Variants in DYRK1A observed in about 807,000 individuals in gnomAD.
DYRK1A encodes the protein dual specificity tyrosine phosphorylation regulated kinase 1A.
DYRK1A carries 9 observed loss-of-function variants against 79.7 expected under a neutral mutation model. The observed-to-expected ratio is 0.11, with a 90% CI of 0.07 to 0.20. The LOEUF (loss-of-function observed/expected upper bound fraction) is 0.20. Ranked by LOEUF, DYRK1A falls within the 10% of genes least tolerant of loss-of-function variation. The pLI is 1.00. For missense variants in DYRK1A, 622 were observed against 956.0 expected (o/e 0.65, Z 4.61); for synonymous variants, 349 against 329.7 (o/e 1.06, Z -0.63).
intron 2 of DYRK1A, among the ~76,000 whole-genome samples, chr21:37,443,636 G>T (rs903249572): frequency 6.6e-6 from 1 of 152,218 alleles, no homozygotes; most frequent in African/African-American, 2.4e-5. Context: ...AATGGGAGCA[G>T]TGTAGTCCTG....
intron 2 of DYRK1A, among the ~76,000 whole-genome samples, chr21:37,459,750 T>C (rs1298648464): frequency 6.6e-6 from 1 of 152,184 alleles, no homozygotes; most frequent in Non-Finnish European, 1.5e-5. Context: ...TTGTTTCTTG[T>C]GTTGTTATAT....
At position 37,451,686 on chromosome 21, in the gene DYRK1A, G is replaced by T. The variant is rs191596189; in HGVS notation, c.11-20998G>T. The stretch of plus-strand genomic sequence containing the variant: ...GCGTGGGCGTGCAGTAGGCTCCACT[G>T]TCTAGCGTGGGCGTGCAGTGTATAC... On this transcript the variant is annotated intron_variant, in intron 2 of 11. Coordinates refer to ENST00000647188, the MANE Select transcript of DYRK1A (RefSeq NM_001347721.2). 6.6e-5 allele frequency among the ~76,000 whole-genome samples: 10 copies of T among 152,086 alleles called. No homozygotes were observed. In the East Asian group the frequency reaches 1.9e-3, roughly 30 times the overall value.
rs1034044002 is a variant in DYRK1A at position 37,380,192 on chromosome 21, G to A, written c.-77+12564G>A. Reference sequence around the variant, plus strand: ...GACTCTAGCCCTTAAGACAAATACTGTCTGTTGAAAAATTTATTCTGATTT... The same window carrying A: ...GACTCTAGCCCTTAAGACAAATACTATCTGTTGAAAAATTTATTCTGATTT... On this transcript the variant is annotated intron_variant, in intron 1 of 11. Transcript: ENST00000647188. Among the ~76,000 whole-genome samples the A allele has an allele frequency of 1.1e-4, 17 of 152,206 alleles. No homozygotes were observed. The South Asian group carries it at 2.7e-3, about 24-fold the overall frequency.
intron 8 of DYRK1A, 85 bp from the exon 9 acceptor site, chr21:37,496,031 CAA>C: frequency 3.8e-6 from 5 of 1,330,962 alleles, no homozygotes; most frequent in Non-Finnish European, 5.2e-6. Flanking sequence ...AGGAGGTGTG[CAA>C]TTTATTTATG....
chr21:37,489,280 G>A (rs1042683050), intron 6 of DYRK1A, among the ~76,000 whole-genome samples: 1 of 152,124 alleles, frequency 6.6e-6, no homozygotes, highest in South Asian at 2.1e-4. Flanking sequence ...TTGTGTTACA[G>A]GTGCTCAGTT....
At chr21:37,479,564 T>A (rs551035350) in intron 4 of DYRK1A, among the ~76,000 whole-genome samples, 5 of 148,478 alleles carry the variant, frequency 3.4e-5, no homozygotes, top group African/African-American at 1.3e-4. Context: ...TTTTTTTTTT[T>A]ACTAGTCTTA....
intron 2 of DYRK1A, among the ~76,000 whole-genome samples, chr21:37,466,470 T>G (rs1354217711): frequency 6.6e-6 from 1 of 152,072 alleles, no homozygotes; most frequent in African/African-American, 2.4e-5. Context: ...AAATAGATTG[T>G]TAGTGTTCAT....
rs2053959582 is a variant in DYRK1A, at chr21:37,525,114, A to G, written c.*12583A>G. On this transcript the variant is annotated 3_prime_UTR_variant, in exon 12 of 12. Coordinates refer to ENST00000647188, the MANE Select transcript of DYRK1A (RefSeq NM_001347721.2). ...AACATTGTCTCAAAACAAAAAGTTG[A>G]GAAAACGAATTCAGTACACCCTGAA... 6.6e-6 allele frequency: 1 copy of G among 152,258 alleles called. No individual in the cohort carries two copies. Among genetic ancestry groups the G allele is most frequent in the Admixed American group, 6.5e-5 (1 of 15,292 alleles). The allele number at this position is 152,258 out of a possible 1,614,324, so 9.4% of individuals were successfully genotyped here. A position where few individuals can be genotyped will look rare whatever the true frequency, so the allele number is the denominator to read the frequency against.
chr21:37,489,479 C>A (rs1039578574), intron 6 of DYRK1A, among the ~76,000 whole-genome samples: 2 of 152,116 alleles, frequency 1.3e-5, no homozygotes, highest in Non-Finnish European at 2.9e-5. Context: ...GCCTCCTTAT[C>A]ATCTCTTCTT....
chr21:37,468,147 ACC>A (rs1002452920), intron 2 of DYRK1A, among the ~76,000 whole-genome samples: 9 of 152,174 alleles, frequency 5.9e-5, no homozygotes, highest in African/African-American at 1.9e-4. Flanking sequence ...GGTCTCTGTT[ACC>A]CAGGCTGGAG....
At position 37,383,796 on chromosome 21, in the gene DYRK1A, T is replaced by C. The variant is rs191565251; in HGVS notation, c.-77+16168T>C. On this transcript the variant is annotated intron_variant, in intron 1 of 11. Transcript: ENST00000647188. ...TAATTACAAAAAGTGATAAATGCCATGAAAAAAATAAAGATGGGGTGATGT... is the reference window on the plus strand; with the variant it reads ...TAATTACAAAAAGTGATAAATGCCACGAAAAAAATAAAGATGGGGTGATGT... Among the ~76,000 whole-genome samples the C allele has an allele frequency of 1.3e-4, 19 of 151,588 alleles. 1 individual carries two copies. The East Asian group carries it at 3.3e-3, about 26-fold the overall frequency.
At position 37,506,186 on chromosome 21, in the gene DYRK1A, C is replaced by T. The variant is rs188293397; in HGVS notation, c.1607C>T (p.Ala536Val). 1.2e-6 allele frequency: 2 copies of T among 1,614,162 alleles called. No homozygotes were observed. Among genetic ancestry groups the T allele is most frequent in the East Asian group, 4.5e-5 (2 of 44,884 alleles). ...CACAGTGGTGGGCACTTCACAGCTGCCGTGCAGGCCATGGACTGCGAGACA... is the reference window on the plus strand; with the variant it reads ...CACAGTGGTGGGCACTTCACAGCTGTCGTGCAGGCCATGGACTGCGAGACA... ...HRHSGGHFTA[A>V]VQAMDCETHS... The change falls in exon 11 of 12, where the codon GCC becomes GTC. Residue 536 changes from alanine to valine, a missense_variant. Around this residue, in one of 5 missense-constraint regions of DYRK1A, gnomAD observed 292 missense variants for 316.7 expected, o/e 0.92. Transcript: ENST00000647188.
At chr21:37,482,329 G>A (rs77028202) in intron 5 of DYRK1A, among the ~76,000 whole-genome samples, 9,374 of 152,154 alleles carry the variant, frequency 0.062, 1,014 homozygotes, top group African/African-American at 0.21. Context: ...GAGAAATAAA[G>A]GGACAGAGTA....
chr21:37,423,299 C>G (rs2050526291), intron 2 of DYRK1A, among the ~76,000 whole-genome samples: 1 of 152,080 alleles, frequency 6.6e-6, no homozygotes, highest in East Asian at 1.9e-4. Context: ...GGATGCCTCT[C>G]CCGCATATTC....
At chr21:37,506,377 C>A (rs763478289) in intron 11 of DYRK1A, 154 bp downstream of exon 11, 1 of 1,537,010 alleles carries the variant, frequency 6.5e-7, no homozygotes, top group South Asian at 1.2e-5. Context: ...CATAGAGAAG[C>A]ACATTCTTGC....
At chr21:37,417,822 A>G (rs945141903) in intron 1 of DYRK1A, among the ~76,000 whole-genome samples, 1 of 152,122 alleles carries the variant, frequency 6.6e-6, no homozygotes, top group East Asian at 1.9e-4. Flanking sequence ...AGACCTTCAC[A>G]TTGCCTTTGG....
rs1445308051 is a variant in DYRK1A at position 37,516,646 on chromosome 21, G to A, written c.*4115G>A. 6.6e-6 allele frequency: 1 copy of A among 152,198 alleles called. No homozygotes were observed. The highest frequency in any genetic ancestry group is 1.5e-5 in the Non-Finnish European group (1 of 68,040). The allele number at this position is 152,198 out of a possible 1,614,324, so 9.4% of individuals were successfully genotyped here. A position where few individuals can be genotyped will look rare whatever the true frequency, so the allele number is the denominator to read the frequency against. ...CCTGTGTTGAAGGCACTGGATGCTT[G>A]TTTTGTGGAAGACATGTTCATTGAG... is the stretch of plus-strand genomic sequence containing the variant. On this transcript the variant is annotated 3_prime_UTR_variant, in exon 12 of 12. Coordinates refer to ENST00000647188, the MANE Select transcript of DYRK1A (RefSeq NM_001347721.2).
intron 1 of DYRK1A, among the ~76,000 whole-genome samples, chr21:37,369,697 C>T (rs2049392065): frequency 6.6e-6 from 1 of 152,138 alleles, no homozygotes; most frequent in Admixed American, 6.5e-5. Context: ...TCCTTTTTAC[C>T]TGGTGGGTGT....
At chr21:37,429,758 A>T (rs1356687483) in intron 2 of DYRK1A, among the ~76,000 whole-genome samples, 1 of 152,248 alleles carries the variant, frequency 6.6e-6, no homozygotes, top group Non-Finnish European at 1.5e-5. Context: ...TTAAGCATTA[A>T]TCAGTCAATT....
Sources: allele counts gnomAD v4.1 joint callset (sites outside exome capture counted in the v4.1 genomes callset), GRCh38; gene constraint gnomAD v4.1.1; regional missense constraint gnomAD v4.1.1; transcripts MANE v1.5; gene names NCBI Gene and HGNC (gene_info 2026-07-23, HGNC 2026-07-21).